Variants in TRAK1 observed in about 807,000 individuals in gnomAD.
TRAK1 encodes the protein trafficking kinesin-binding protein 1.
Under a neutral mutation model 92.1 loss-of-function variants are expected in TRAK1, and 33 were observed. That is an observed-to-expected ratio of 0.36 (90% confidence interval 0.27 to 0.48). TRAK1 has a LOEUF of 0.48. Among genes scored for constraint, TRAK1 ranks in the 20% least tolerant of loss-of-function variants. TRAK1 has a pLI of 0.99. For synonymous variants in TRAK1, 521 were observed against 517.3 expected (o/e 1.01, Z -0.10); for missense variants, 1,123 against 1,257.9 (o/e 0.89, Z 1.62).
At chr3:42,191,474 A>G (rs371098095) in intron 6 of TRAK1, 84 bp from the exon 7 acceptor site, 1 of 1,254,372 alleles carries the variant, frequency 8.0e-7, no homozygotes, top group East Asian at 2.7e-5. Flanking sequence ...GACCCCAGTT[A>G]GCCTTTGCTT....
intron 2 of TRAK1, among the ~76,000 whole-genome samples, chr3:42,163,602 G>C (rs1701528352): frequency 6.6e-6 from 1 of 151,080 alleles, no homozygotes; most frequent in Non-Finnish European, 1.5e-5. Flanking sequence ...GGACCTTCTT[G>C]GGTCCCACTC....
At chr3:42,093,833 G>T (rs1705503640) in intron 1 of TRAK1, among the ~76,000 whole-genome samples, 1 of 150,084 alleles carries the variant, frequency 6.7e-6, no homozygotes, top group Non-Finnish European at 1.5e-5. Flanking sequence ...CTCCTGAATA[G>T]CTGGGATTAC....
chr3:42,160,567 T>TG, intron 2 of TRAK1: 8 of 1,291,992 alleles, frequency 6.2e-6, no homozygotes, highest in Admixed American at 2.8e-5. Context: ...TGTTTTGTTT[T>TG]TGTTTTTTTT....
chr3:42,144,241 T>G (rs1273574780), intron 2 of TRAK1, among the ~76,000 whole-genome samples: 1 of 148,332 alleles, frequency 6.7e-6, no homozygotes, highest in Non-Finnish European at 1.5e-5. Flanking sequence ...CCCTTTTTAA[T>G]TGTTCATTTC....
intron 1 of TRAK1, among the ~76,000 whole-genome samples, chr3:42,116,874 CCTTTT>C (rs1266018091): frequency 6.6e-6 from 1 of 152,076 alleles, no homozygotes; most frequent in African/African-American, 2.4e-5. Flanking sequence ...AGCGAAGGTC[CCTTTT>C]CTTGTTCTTT....
intron 2 of TRAK1, among the ~76,000 whole-genome samples, chr3:42,147,147 T>C (rs1185951793): frequency 6.6e-6 from 1 of 152,000 alleles, no homozygotes; most frequent in Non-Finnish European, 1.5e-5. Context: ...TATTAAAGAC[T>C]AGAGGGAGAG....
At chr3:42,153,673 C>T (rs947731079) in intron 2 of TRAK1, among the ~76,000 whole-genome samples, 2 of 152,164 alleles carry the variant, frequency 1.3e-5, no homozygotes, top group South Asian at 2.1e-4. Context: ...CAGTCTGGTG[C>T]GCTCTGTTCC....
chr3:42,083,970 G>A (rs1704551390), upstream of TRAK1, among the ~76,000 whole-genome samples: 1 of 151,952 alleles, frequency 6.6e-6, no homozygotes, highest in Admixed American at 6.5e-5. Context: ...CCTTTTTAAT[G>A]TTTGTCAGAT....
chr3:42,160,611 A>G, intron 2 of TRAK1: 9 of 984,774 alleles, frequency 9.1e-6, no homozygotes, highest in Non-Finnish European at 1.3e-5. Context: ...TCTTATGCAA[A>G]TGGCTTAAAG....
intron 14 of TRAK1, chr3:42,218,932 A>G (rs1710024233): frequency 4.1e-6 from 4 of 985,118 alleles, no homozygotes; most frequent in Admixed American, 6.2e-5. Context: ...TGAAGTCCCC[A>G]TCTCCCACCA....
chr3:42,186,908 G>A (rs554680328), intron 4 of TRAK1, among the ~76,000 whole-genome samples: 12 of 152,290 alleles, frequency 7.9e-5, no homozygotes, highest in African/African-American at 2.9e-4. Flanking sequence ...TTGTAGAAAA[G>A]TTGCAATAAA....
At chr3:42,078,692 G>A (rs911831123) in intron 1 of TRAK1, among the ~76,000 whole-genome samples, 18 of 149,852 alleles carry the variant, frequency 1.2e-4, no homozygotes, top group African/African-American at 4.2e-4. Context: ...GGCGGAGCTT[G>A]CAGTGAGCCA....
chr3:42,024,663 A>T (rs9814199), intron 1 of TRAK1, among the ~76,000 whole-genome samples: 8,179 of 152,264 alleles, frequency 0.054, 711 homozygotes, highest in African/African-American at 0.18. Context: ...TAATCATATG[A>T]TTGCTATTGA....
At chr3:42,034,347 A>G (rs766979428) in intron 1 of TRAK1, among the ~76,000 whole-genome samples, 1 of 152,186 alleles carries the variant, frequency 6.6e-6, no homozygotes, top group Non-Finnish European at 1.5e-5. Context: ...GCTGGAGTGC[A>G]GTGGCACAAT....
At chr3:42,129,076 C>T (rs1710968495) in intron 2 of TRAK1, among the ~76,000 whole-genome samples, 1 of 152,202 alleles carries the variant, frequency 6.6e-6, no homozygotes. Flanking sequence ...TCAAAGCTTT[C>T]TCCTGAGGAA....
chr3:42,015,007 G>A (rs1049512681), intron 1 of TRAK1, among the ~76,000 whole-genome samples: 4 of 152,196 alleles, frequency 2.6e-5, no homozygotes, highest in Non-Finnish European at 5.9e-5. Context: ...TACAAGAGCA[G>A]CGAAGAGGAA....
chr3:42,029,322 T>C (rs1702029900), intron 1 of TRAK1, among the ~76,000 whole-genome samples: 1 of 152,178 alleles, frequency 6.6e-6, no homozygotes, highest in Non-Finnish European at 1.5e-5. Flanking sequence ...CATGGGAGCA[T>C]CAACCTTCTG....
chr3:42,026,363 A>G (rs936514029), intron 1 of TRAK1, among the ~76,000 whole-genome samples: 1 of 152,138 alleles, frequency 6.6e-6, no homozygotes, highest in Non-Finnish European at 1.5e-5. Flanking sequence ...CCTCTGGCAC[A>G]GTGGTAGTTT....
At chr3:42,036,747 A>G in intron 1 of TRAK1, among the ~76,000 whole-genome samples, 1 of 152,082 alleles carries the variant, frequency 6.6e-6, no homozygotes, top group African/African-American at 2.4e-5. Flanking sequence ...AGTTTATTGT[A>G]CTTTTTATTT....
Sources: allele counts gnomAD v4.1 joint callset (sites outside exome capture counted in the v4.1 genomes callset), GRCh38; gene constraint gnomAD v4.1.1; transcripts MANE v1.5; gene names NCBI Gene and HGNC (gene_info 2026-07-23, HGNC 2026-07-21).